The following FXR1 variants were observed in gnomAD, a reference collection of about 807,000 sequenced individuals.
FXR1 encodes the protein RNA-binding protein FXR1.
Under a neutral mutation model 84.0 loss-of-function variants are expected in FXR1, and 15 were observed. The observed-to-expected ratio is 0.18, with a 90% confidence interval of 0.12 to 0.27. The LOEUF is 0.27. Among genes scored for constraint, FXR1 ranks in the 10% least tolerant of loss-of-function variants. The probability of loss-of-function intolerance (pLI) is 1.00; values close to 1 mark genes in which losing one functional copy is unlikely to be tolerated. For synonymous variants in FXR1, 245 were observed against 250.7 expected (o/e 0.98, Z 0.21); for missense variants, 480 against 774.4 (o/e 0.62, Z 4.51).
At chr3:180,964,231 A>G (rs1353015233) in intron 13 of FXR1, among the ~76,000 whole-genome samples, 2 of 152,200 alleles carry the variant, frequency 1.3e-5, no homozygotes, top group African/African-American at 2.4e-5. Context: ...GACTATTATT[A>G]TATTTCTGAA....
intron 3 of FXR1, among the ~76,000 whole-genome samples, chr3:180,941,181 T>C (rs1197359448): frequency 6.6e-6 from 1 of 151,882 alleles, no homozygotes; most frequent in East Asian, 1.9e-4. Flanking sequence ...TTTTTAGATT[T>C]TTTTTTTTTT....
At chr3:180,917,106 G>T (rs547508537) in intron 1 of FXR1, among the ~76,000 whole-genome samples, 1 of 152,208 alleles carries the variant, frequency 6.6e-6, no homozygotes, top group Non-Finnish European at 1.5e-5. Flanking sequence ...AAGGTGCTGG[G>T]AATACAGGCG....
rs1722218695 is a variant in FXR1 at position 180,951,390 on chromosome 3, C to T, written c.723C>T (p.Ile241=). ...CAATAGGAACACATGGTAGTAACAT[C>T]CAGCAAGCTAGGAAGGTTCCTGGAG... ...GLAIGTHGSN[I]QQARKVPGVT... Residue 241 remains isoleucine (I), a synonymous_variant, in exon 8 of 17, where the codon ATC becomes ATT. Transcript: ENST00000357559. 6.2e-7 allele frequency: 1 copy of T among 1,610,288 alleles called. No individual in the cohort carries two copies.
At chr3:180,949,748 C>T (rs531246719) in intron 7 of FXR1, among the ~76,000 whole-genome samples, 5 of 152,182 alleles carry the variant, frequency 3.3e-5, no homozygotes, top group Non-Finnish European at 7.3e-5. Context: ...ACCTCTGTTT[C>T]GTGACTGTTT....
Position 180,976,590 on chromosome 3 carries a change from G to C in FXR1, c.*298G>C, listed in dbSNP as rs1714266429. 6.1e-6 allele frequency: 1 copy of C among 164,760 alleles called. No individual in the cohort carries two copies. The allele number at this position is 164,760 out of a possible 1,614,324, so 10.2% of individuals were successfully genotyped here. A position where few individuals can be genotyped will look rare whatever the true frequency, so the allele number is the denominator to read the frequency against. On this transcript the variant is annotated 3_prime_UTR_variant, in exon 17 of 17. Transcript: ENST00000357559. ...TTTCAAAATATGGCAGAGATGGGGG[G>C]TGGTGGGTGGGGTGGGATCCCTAAC...
intron 10 of FXR1, among the ~76,000 whole-genome samples, chr3:180,958,804 CTT>C (rs748793011): frequency 6.7e-5 from 9 of 133,938 alleles, no homozygotes; most frequent in African/African-American, 1.1e-4. Context: ...AAAGTATTGA[CTT>C]TTTTTTTTTT....
In FXR1 at chr3:180,980,508, C is replaced by G. The variant is rs1377557859; in HGVS notation, c.*4216C>G. The G allele has an allele frequency of 1.3e-5, 2 of 151,780 alleles. No homozygotes were observed. The highest frequency in any genetic ancestry group is 2.9e-5 in the Non-Finnish European group (2 of 67,860). The allele number at this position is 151,780 out of a possible 1,614,324, so 9.4% of individuals were successfully genotyped here. A position where few individuals can be genotyped will look rare whatever the true frequency, so the allele number is the denominator to read the frequency against. ...TTAAAAATATTTTCCAATAGTTTTT[C>G]TAGATAAACAATTTATACTTAATTG... is the stretch of plus-strand genomic sequence containing the variant. On this transcript the variant is annotated 3_prime_UTR_variant, in exon 17 of 17. Coordinates refer to ENST00000357559, the MANE Select transcript of FXR1 (RefSeq NM_005087.4).
intron 3 of FXR1, 101 bp downstream of exon 3, chr3:180,935,332 A>G (rs1213539826): frequency 1.8e-5 from 11 of 627,894 alleles, no homozygotes; most frequent in Non-Finnish European, 3.2e-5. Context: ...AATCTAATTC[A>G]TTTTCTCTAT....
intron 1 of FXR1, among the ~76,000 whole-genome samples, chr3:180,920,277 G>A (rs1718420596): frequency 6.6e-6 from 1 of 151,994 alleles, no homozygotes; most frequent in Non-Finnish European, 1.5e-5. Flanking sequence ...AAATTTTGTT[G>A]ATATATGTAC....
chr3:180,947,392 C>T (rs1721811109), intron 3 of FXR1, among the ~76,000 whole-genome samples: 1 of 152,174 alleles, frequency 6.6e-6, no homozygotes, highest in Admixed American at 6.6e-5. Context: ...GCTAGATGGA[C>T]TGAATGTGTG....
At chr3:180,953,875 A>T in intron 9 of FXR1, 35 bp downstream of exon 9, 4 of 1,058,176 alleles carry the variant, frequency 3.8e-6, no homozygotes, top group Non-Finnish European at 5.9e-6. Context: ...ATAAGTTAAT[A>T]AACATTATTT....
chr3:180,935,348 C>T (rs1576925073), intron 3 of FXR1, 117 bp downstream of exon 3: 1 of 607,164 alleles, frequency 1.6e-6, no homozygotes, highest in East Asian at 2.9e-5. Flanking sequence ...TCTATTCTTT[C>T]TATTGGTGGT....
In FXR1 at chr3:180,965,357, A is replaced by G. The variant is rs189647499; in HGVS notation, c.1198+2267A>G. ...AGCTTGTTTAAAAAAACGACTTTGAATCACCAACCTGTGTTTTACAAAATT... is the reference window on the plus strand; with the variant it reads ...AGCTTGTTTAAAAAAACGACTTTGAGTCACCAACCTGTGTTTTACAAAATT... On this transcript the variant is annotated intron_variant, in intron 13 of 16. Coordinates refer to ENST00000357559, the MANE Select transcript of FXR1 (RefSeq NM_005087.4). Among the ~76,000 whole-genome samples the G allele has an allele frequency of 6.6e-5, 10 of 152,296 alleles. No individual in the cohort carries two copies. The East Asian group carries it at 1.9e-3, about 29-fold the overall frequency.
intron 7 of FXR1, among the ~76,000 whole-genome samples, chr3:180,950,913 T>C (rs1049133349): frequency 6.6e-6 from 1 of 152,124 alleles, no homozygotes; most frequent in African/African-American, 2.4e-5. Flanking sequence ...AACATGGATT[T>C]GCAATAAAAC....
At chr3:180,952,673 A>G (rs1722347372) in intron 8 of FXR1, among the ~76,000 whole-genome samples, 1 of 152,156 alleles carries the variant, frequency 6.6e-6, no homozygotes, top group South Asian at 2.1e-4. Flanking sequence ...TACTTGTATA[A>G]GTGTTCTCAT....
At chr3:180,949,068 A>G (rs1721962768) in intron 6 of FXR1, among the ~76,000 whole-genome samples, 159 bp from the exon 7 acceptor site, 1 of 152,214 alleles carries the variant, frequency 6.6e-6, no homozygotes, top group Non-Finnish European at 1.5e-5. Flanking sequence ...TAATACAGGA[A>G]TTCAGAAAGG....
At chr3:180,950,073 A>G (rs1318852324) in intron 7 of FXR1, among the ~76,000 whole-genome samples, 4 of 152,150 alleles carry the variant, frequency 2.6e-5, no homozygotes, top group African/African-American at 9.7e-5. Context: ...TAAAATATTA[A>G]GCTTATCATT....
At chr3:180,930,437 G>A (rs1719753152) in intron 1 of FXR1, among the ~76,000 whole-genome samples, 1 of 152,118 alleles carries the variant, frequency 6.6e-6, no homozygotes, top group South Asian at 2.1e-4. Context: ...TATTATAAAG[G>A]TGAGAAAGGA....
chr3:180,957,703 G>A (rs1400962610), intron 9 of FXR1, 116 bp from the exon 10 acceptor site: 2 of 568,262 alleles, frequency 3.5e-6, no homozygotes, highest in African/African-American at 3.9e-5. Context: ...AAAAAGATGG[G>A]AGCTTCACTT....
Sources: gnomAD v4.1 joint callset for allele counts (sites outside exome capture counted in the v4.1 genomes callset) on GRCh38, gnomAD v4.1.1 for gene constraint, MANE v1.5 for transcripts, NCBI Gene and HGNC (gene_info 2026-07-23, HGNC 2026-07-21) for gene names.